The following CSMD3 variants were observed in gnomAD, a reference collection of about 807,000 sequenced individuals.
CSMD3 encodes the protein CUB and sushi domain-containing protein 3.
In CSMD3, 177 loss-of-function variants were observed where a neutral mutation model predicts 435.2. That is an observed-to-expected ratio of 0.41 (90% CI 0.36 to 0.46). CSMD3 has a LOEUF of 0.46. CSMD3 is among the 20% of genes least tolerant of loss of function. The probability of loss-of-function intolerance (pLI) is 0.34; values close to 1 mark genes in which losing one functional copy is unlikely to be tolerated. For missense variants in CSMD3, 4,265 were observed against 4,504.6 expected (o/e 0.95, Z 1.52); for synonymous variants, 1,656 against 1,520.5 (o/e 1.09, Z -2.07).
chr8:113,350,484 C>T (rs1243760339), intron 1 of CSMD3, among the ~76,000 whole-genome samples: 1 of 152,084 alleles, frequency 6.6e-6, no homozygotes, highest in Non-Finnish European at 1.5e-5. Flanking sequence ...TTAAACAACT[C>T]TCTTGAATTT....
chr8:112,961,678 T>G (rs1051936702), intron 7 of CSMD3, among the ~76,000 whole-genome samples: 9 of 151,996 alleles, frequency 5.9e-5, no homozygotes, highest in Admixed American at 5.3e-4. Flanking sequence ...CATTAAGGAT[T>G]GGATAAAGTT....
At chr8:113,334,408 A>C (rs757902109) in intron 1 of CSMD3, among the ~76,000 whole-genome samples, 2 of 99,382 alleles carry the variant, frequency 2.0e-5, no homozygotes, top group African/African-American at 7.8e-5. Context: ...ATATAGAACT[A>C]TCCTTGCATT....
At chr8:113,296,229 T>C (rs540355986) in intron 2 of CSMD3, among the ~76,000 whole-genome samples, 17 of 151,612 alleles carry the variant, frequency 1.1e-4, no homozygotes, top group Non-Finnish European at 1.9e-4. Flanking sequence ...CACACCAACA[T>C]GGCACATGTA....
At chr8:112,798,976 G>A (rs1174185279) in intron 13 of CSMD3, among the ~76,000 whole-genome samples, 1 of 151,656 alleles carries the variant, frequency 6.6e-6, no homozygotes, top group Non-Finnish European at 1.5e-5. Flanking sequence ...TGTGCACACA[G>A]ACCCCCTGCA....
intron 24 of CSMD3, among the ~76,000 whole-genome samples, chr8:112,571,196 G>A (rs560694106): frequency 6.6e-6 from 1 of 151,688 alleles, no homozygotes; most frequent in Admixed American, 6.6e-5. Context: ...TAGTAGAGAC[G>A]GGGTTTCTTC....
At chr8:112,740,928 G>A (rs1329286071) in intron 13 of CSMD3, among the ~76,000 whole-genome samples, 2 of 151,942 alleles carry the variant, frequency 1.3e-5, no homozygotes, top group Non-Finnish European at 2.9e-5. Flanking sequence ...TATAAAGCTA[G>A]ATAAGTAGAT....
At chr8:112,656,481 A>C in intron 17 of CSMD3, 140 bp from the exon 18 acceptor site, 1 of 585,142 alleles carries the variant, frequency 1.7e-6, no homozygotes, top group East Asian at 3.0e-5. Context: ...CTAATATCTA[A>C]GATATCATTT....
At chr8:112,245,482 T>G (rs1814636055) in intron 64 of CSMD3, among the ~76,000 whole-genome samples, 1 of 152,168 alleles carries the variant, frequency 6.6e-6, no homozygotes. Flanking sequence ...GTATAAATAA[T>G]AGCTAACATT....
chr8:113,353,215 G>T (rs1191712235), intron 1 of CSMD3, among the ~76,000 whole-genome samples: 1 of 152,122 alleles, frequency 6.6e-6, no homozygotes, highest in Non-Finnish European at 1.5e-5. Context: ...CATAGGAGGA[G>T]TAGAAAAAGC....
rs559462587 is a variant in CSMD3, at chr8:112,254,077, A to T, written c.10110+176T>A. 2.4e-3 allele frequency among the ~76,000 whole-genome samples: 357 copies of T among 151,478 alleles called. 3 individuals are homozygous for T. In the Middle Eastern group the frequency reaches 0.034, roughly 15 times the overall value. ...CCAGTTAGGAAATTTTATTAAAAAA[A>T]TTTTTTTTTCTAATTTCCTTTACTT... is the stretch of plus-strand genomic sequence containing the variant. On this transcript the variant is annotated intron_variant, in intron 63 of 70. Transcript: ENST00000297405.
chr8:112,696,429 C>T (rs559504428), intron 13 of CSMD3, among the ~76,000 whole-genome samples: 41 of 152,106 alleles, frequency 2.7e-4, no homozygotes, highest in Non-Finnish European at 4.0e-4. Context: ...CACACATCTA[C>T]AACCATCTGA....
chr8:112,674,107 G>A (rs2131740862), intron 16 of CSMD3, among the ~76,000 whole-genome samples: 1 of 152,194 alleles, frequency 6.6e-6, no homozygotes, highest in Admixed American at 6.6e-5. Context: ...ACTCACCCAA[G>A]GTGCCTTGAG....
At chr8:112,590,693 G>A (rs1286376242) in intron 22 of CSMD3, among the ~76,000 whole-genome samples, 3 of 151,976 alleles carry the variant, frequency 2.0e-5, no homozygotes, top group South Asian at 2.1e-4. Context: ...AATTTGAAGA[G>A]GAAAAGAGGA....
At chr8:112,967,359 C>T (rs942075297) in intron 7 of CSMD3, among the ~76,000 whole-genome samples, 10 of 151,816 alleles carry the variant, frequency 6.6e-5, no homozygotes, top group Non-Finnish European at 1.5e-4. Context: ...ATTTTTGAGG[C>T]CTAAAAGCCA....
At chr8:112,278,759 C>T (rs968624209) in intron 59 of CSMD3, among the ~76,000 whole-genome samples, 1 of 152,112 alleles carries the variant, frequency 6.6e-6, no homozygotes, top group Admixed American at 6.6e-5. Context: ...TTGCTACTGT[C>T]TATGTGTCTG....
In CSMD3 at chr8:113,001,284, C is replaced by T. The variant is rs138443118; in HGVS notation, c.1030+17783G>A. On this transcript the variant is annotated intron_variant, in intron 6 of 70. Transcript: ENST00000297405. ...TAAAATTCTTCTGTGTCTTCCTTAT[C>T]ACGGCCTGAGGACAAGGTTCTACAA... Among the ~76,000 whole-genome samples the T allele has an allele frequency of 6.0e-3, 908 of 152,110 alleles. 4 individuals are homozygous for T. Among genetic ancestry groups the T allele is most frequent in the African/African-American group, 0.019 (808 of 41,490 alleles).
chr8:112,339,410 G>T (rs1279834367), intron 42 of CSMD3, among the ~76,000 whole-genome samples: 7 of 151,990 alleles, frequency 4.6e-5, no homozygotes, highest in Non-Finnish European at 1.0e-4. Flanking sequence ...AAACTTCTAG[G>T]GGGCATCTGG....
At chr8:112,376,428 T>C (rs955379277) in intron 38 of CSMD3, among the ~76,000 whole-genome samples, 1 of 152,222 alleles carries the variant, frequency 6.6e-6, no homozygotes, top group Non-Finnish European at 1.5e-5. Context: ...AACTGAAAAG[T>C]AAACTTCATT....
rs758767629 is a variant in CSMD3, at chr8:112,341,585, T to C, written c.6544A>G (p.Ser2182Gly). 5 of 1,612,542 alleles carry C rather than the reference T, an allele frequency of 3.1e-6. No homozygotes were observed. In the Admixed American group the frequency reaches 6.7e-5, roughly 22 times the overall value. The change falls in exon 42 of 71, where the codon AGT becomes GGT. Residue 2182 changes from serine to glycine, a missense_variant. Physicochemically the swap from Ser to Gly is moderately conservative, Grantham distance 56. Transcript: ENST00000297405. ...AAGGAAGATGGTATTTGAGGACCAC[T>C]AAGCCGGCCAATAACAGTACTAGTT... Reference protein sequence around the residue: ...SETSTVIGRLSGPQIPSSLFS... With the variant: ...SETSTVIGRLGGPQIPSSLFS...
Sources: gnomAD v4.1 joint callset for allele counts (sites outside exome capture counted in the v4.1 genomes callset) on GRCh38, gnomAD v4.1.1 for gene constraint, MANE v1.5 for transcripts, NCBI Gene and HGNC (gene_info 2026-07-23, HGNC 2026-07-21) for gene names.